Variants in APBA3 observed in about 807,000 individuals in gnomAD.
The protein encoded by APBA3 is amyloid-beta A4 precursor protein-binding family A member 3.
APBA3 carries 45 observed loss-of-function variants against 55.9 expected under a neutral mutation model. The observed-to-expected ratio is 0.80, with a 90% CI of 0.63 to 1.03. The LOEUF is 1.03. APBA3 is among the 50% of genes least tolerant of loss of function. The probability of loss-of-function intolerance (pLI) is 0.00; values close to 1 mark genes in which losing one functional copy is unlikely to be tolerated. For synonymous variants in APBA3, 370 were observed against 353.3 expected (o/e 1.05, Z -0.53); for missense variants, 865 against 820.3 (o/e 1.05, Z -0.67).
rs781624059 is a variant in APBA3, at chr19:3,751,020, A to C, written c.*6T>G. On this transcript the variant is annotated 3_prime_UTR_variant, in exon 11 of 11. Transcript: ENST00000316757. ...AAGGCACAGTGGCAGGCAAGGGATG[A>C]GGTGGTCACAGGTACACGGGCTGCT... 3.2e-6 allele frequency: 5 copies of C among 1,557,158 alleles called. No homozygotes were observed. The highest frequency in any genetic ancestry group is 4.3e-6 in the Non-Finnish European group (5 of 1,150,108).
At chr19:3,753,503 C>T in intron 6 of APBA3, 1 of 444,532 alleles carries the variant, frequency 2.2e-6, no homozygotes, top group Admixed American at 3.9e-5. Flanking sequence ...CAAAAATTAG[C>T]CAGGCATGGT....
At chr19:3,752,019 G>C (rs911459088) in intron 8 of APBA3, 2 of 195,288 alleles carry the variant, frequency 1.0e-5, no homozygotes, top group South Asian at 2.0e-4. Flanking sequence ...AGACCAGCCT[G>C]GCCAACCAAC....
chr19:3,752,077 G>A (rs1255659565), intron 8 of APBA3, among the ~76,000 whole-genome samples: 2 of 152,162 alleles, frequency 1.3e-5, no homozygotes, highest in Non-Finnish European at 2.9e-5. Flanking sequence ...AACTGGGCGT[G>A]GTGGTGCACA....
Position 3,751,056 on chromosome 19 carries a change from A to G in APBA3, c.1698T>C (p.Leu566=). ...GGTACACGGGCTGCTCCTGGCCTGT[A>G]AGGAGGCGATATGTGGCAGCTGGCA... ...KTMPAATYRL[L]TGQEQPVYL The change falls in exon 11 of 11, where the codon CTT becomes CTC. Residue 566 remains leucine (L), a synonymous_variant. Transcript: ENST00000316757. 1 of 1,565,922 alleles carries G rather than the reference A, an allele frequency of 6.4e-7. No homozygotes were observed. The highest frequency in any genetic ancestry group is 8.7e-7 in the Non-Finnish European group (1 of 1,155,026).
chr19:3,755,729 G>A (rs990210768), intron 3 of APBA3: 3 of 151,862 alleles, frequency 2.0e-5, no homozygotes, highest in African/African-American at 7.3e-5. Context: ...CCAGGAGGTG[G>A]AGGTTGCAGT....
At chr19:3,753,671 A>C in intron 6 of APBA3, 94 bp downstream of exon 6, 1 of 1,217,090 alleles carries the variant, frequency 8.2e-7, no homozygotes, top group Non-Finnish European at 1.1e-6. Flanking sequence ...AAATAAGCTT[A>C]TGGGAGGGAG....
intron 3 of APBA3, among the ~76,000 whole-genome samples, chr19:3,759,158 G>T (rs1022719441): frequency 2.6e-5 from 4 of 152,192 alleles, no homozygotes; most frequent in Non-Finnish European, 5.9e-5. Flanking sequence ...GAACCTGGGA[G>T]ATGGAGGTTG....
Position 3,753,784 on chromosome 19 carries a change from T to A in APBA3, c.992A>T (p.His331Leu). 6.4e-7 allele frequency: 1 copy of A among 1,563,376 alleles called. No individual in the cohort carries two copies. Among genetic ancestry groups the A allele is most frequent in the South Asian group, 1.2e-5 (1 of 85,322 alleles). The change falls in exon 6 of 11, where the codon CAC becomes CTC. Residue 331 changes from histidine to leucine, a missense_variant. His to Leu is a moderately conservative substitution (Grantham distance 99). Transcript: ENST00000316757. ...HGRRLYKMLC[H>L]VFYAEDAQLI... Reference sequence around the variant, plus strand: ...GCTCACGTCCTCCGCGTAGAATACGTGGCAGAGCATCTTGTAGAGGCGGCG... The same window carrying A: ...GCTCACGTCCTCCGCGTAGAATACGAGGCAGAGCATCTTGTAGAGGCGGCG...
In APBA3 at chr19:3,752,815, C is replaced by A; in HGVS notation, c.1182+5G>T. ...CAGGTGGGGGCTGCCCAGCACCTCA[C>A]TCACCTCCCGGCAGTTGTCACTGTT... On this transcript the variant is annotated splice_donor_5th_base_variant and intron_variant, in intron 7 of 10. Coordinates refer to ENST00000316757, the MANE Select transcript of APBA3 (RefSeq NM_004886.4). The A allele has an allele frequency of 6.2e-7, 1 of 1,612,738 alleles. No individual in the cohort carries two copies. Among genetic ancestry groups the A allele is most frequent in the Non-Finnish European group, 8.5e-7 (1 of 1,179,590 alleles).
chr19:3,761,571 T>G lies in APBA3; in HGVS notation c.-73A>C, dbSNP rs1024455155. 3 of 152,278 alleles carry G rather than the reference T, an allele frequency of 2.0e-5. No individual in the cohort carries two copies. The highest frequency in any genetic ancestry group is 7.2e-5 in the African/African-American group (3 of 41,400). 9.4% of individuals were successfully genotyped at this position (152,278 alleles called of 1,614,324 possible). A position where few individuals can be genotyped will look rare whatever the true frequency, so the allele number is the denominator to read the frequency against. ...GAGGCCGCCTCAGCCCCGCGCAGCC[T>G]CCAGGACCCCGCTCCCCACGGACGG... On this transcript the variant is annotated 5_prime_UTR_variant, in exon 1 of 11. Coordinates refer to ENST00000316757, the MANE Select transcript of APBA3 (RefSeq NM_004886.4).
At chr19:3,758,111 G>A (rs1161188220) in intron 3 of APBA3, among the ~76,000 whole-genome samples, 1 of 151,206 alleles carries the variant, frequency 6.6e-6, no homozygotes, top group Admixed American at 6.6e-5. Flanking sequence ...ATTTTTGTAT[G>A]TTTAGTAGAG....
At chr19:3,758,687 G>C (rs1296613045) in intron 3 of APBA3, among the ~76,000 whole-genome samples, 3 of 152,026 alleles carry the variant, frequency 2.0e-5, no homozygotes, top group East Asian at 3.9e-4. Context: ...ACACCAGCCT[G>C]GCCAACACAG....
At position 3,754,270 on chromosome 19, in the gene APBA3, G is replaced by T. The variant is rs906680866; in HGVS notation, c.687C>A (p.Thr229=). The T allele has an allele frequency of 3.9e-6, 6 of 1,549,790 alleles. No homozygotes were observed. Among genetic ancestry groups the T allele is most frequent in the Admixed American group, 2.0e-5 (1 of 49,686 alleles). ...VIFGARYLGS[T]QLVSERNPPT... The stretch of plus-strand genomic sequence containing the variant: ...GCGGGTTCCGTTCCGACACCAGCTG[G>T]GTGGACCCCAGGTACCTGGCCCCAA... The change falls in exon 4 of 11, where the codon ACC becomes ACA. Residue 229 remains threonine (T), a synonymous_variant. Coordinates refer to ENST00000316757, the MANE Select transcript of APBA3 (RefSeq NM_004886.4).
At position 3,751,422 on chromosome 19, in the gene APBA3, C is replaced by T; in HGVS notation, c.1515+12G>A. 1 of 1,525,244 alleles carries T rather than the reference C, an allele frequency of 6.6e-7. No individual in the cohort carries two copies. The highest frequency in any genetic ancestry group is 8.8e-7 in the Non-Finnish European group (1 of 1,140,624). 94.5% of individuals were successfully genotyped at this position (1,525,244 alleles called of 1,614,324 possible). Reference sequence around the variant, plus strand: ...TACCCCCCCACCCCGGGGCCAGGGGCCGGGGCCTCACGATGCCGTCCTCCA... The same window carrying T: ...TACCCCCCCACCCCGGGGCCAGGGGTCGGGGCCTCACGATGCCGTCCTCCA... On this transcript the variant is annotated intron_variant, in intron 9 of 10. Transcript: ENST00000316757.
At chr19:3,755,426 G>A (rs899090166) in intron 3 of APBA3, 5 of 152,106 alleles carry the variant, frequency 3.3e-5, no homozygotes, top group Non-Finnish European at 7.3e-5. Context: ...GACCAGTCAA[G>A]GAACAAACAA....
rs530757129 is a variant in APBA3, at chr19:3,752,438, G to A, written c.1395+70C>T. The A allele has an allele frequency of 1.1e-4, 149 of 1,398,636 alleles. 1 individual carries two copies. In the Middle Eastern group the frequency reaches 1.7e-3, roughly 16 times the overall value. 86.6% of individuals were successfully genotyped at this position (1,398,636 alleles called of 1,614,324 possible). On this transcript the variant is annotated intron_variant, in intron 8 of 10. Transcript: ENST00000316757. ...GCTGGGCTGGAGAGACCTGGCCAGGGAGGAGACCTCTCTGGGACTCAGCTC... is the reference window on the plus strand; with the variant it reads ...GCTGGGCTGGAGAGACCTGGCCAGGAAGGAGACCTCTCTGGGACTCAGCTC...
chr19:3,753,771 C>A lies in APBA3; in HGVS notation c.1005G>T (p.Ala335=). 6.5e-7 allele frequency: 1 copy of A among 1,532,254 alleles called. No individual in the cohort carries two copies. Among genetic ancestry groups the A allele is most frequent in the Non-Finnish European group, 8.8e-7 (1 of 1,138,366 alleles). The allele number at this position is 1,532,254 out of a possible 1,614,324, so 94.9% of individuals were successfully genotyped here. The change falls in exon 6 of 11, where the codon GCG becomes GCT. Residue 335 remains alanine (A), a synonymous_variant. Coordinates refer to ENST00000316757, the MANE Select transcript of APBA3 (RefSeq NM_004886.4). ...CCGCGCCCTGGCTGCTCACGTCCTC[C>A]GCGTAGAATACGTGGCAGAGCATCT... ...LYKMLCHVFY[A]EDAQLIAQAI... is the part of the protein sequence containing the mutation.
chr19:3,753,233 G>C, intron 6 of APBA3: 1 of 568,280 alleles, frequency 1.8e-6, no homozygotes, highest in Non-Finnish European at 3.1e-6. Flanking sequence ...GCAGCTCCCT[G>C]CGCATGGGCT....
Position 3,755,569 on chromosome 19 carries a change from G to C in APBA3, c.617-1229C>G, listed in dbSNP as rs903491415. 9 of 139,814 alleles carry C rather than the reference G, an allele frequency of 6.4e-5. 1 individual carries two copies. The highest frequency in any genetic ancestry group is 2.4e-4 in the South Asian group (1 of 4,188). 8.7% of individuals were successfully genotyped at this position (139,814 alleles called of 1,614,324 possible). A position where few individuals can be genotyped will look rare whatever the true frequency, so the allele number is the denominator to read the frequency against. On this transcript the variant is annotated intron_variant, in intron 3 of 10. Coordinates refer to ENST00000316757, the MANE Select transcript of APBA3 (RefSeq NM_004886.4). ...AGCACTTTAGGAGGCCGGGGGGGGGGGGTGGATCACCTGAGGTCAGGAGTT... is the reference window on the plus strand; with the variant it reads ...AGCACTTTAGGAGGCCGGGGGGGGGCGGTGGATCACCTGAGGTCAGGAGTT...
Sources: gnomAD v4.1 joint callset for allele counts (sites outside exome capture counted in the v4.1 genomes callset) on GRCh38, gnomAD v4.1.1 for gene constraint, MANE v1.5 for transcripts, NCBI Gene and HGNC (gene_info 2026-07-23, HGNC 2026-07-21) for gene names.